ANKRD28: variants seen among roughly 807,000 people sequenced by gnomAD.
ANKRD28 encodes ankyrin repeat domain 28.
A neutral mutation model predicts 126.5 loss-of-function variants in ANKRD28; 44 were observed. The observed-to-expected ratio is 0.35, with a 90% CI of 0.27 to 0.45. The LOEUF is 0.45. ANKRD28 is among the 20% of genes least tolerant of loss of function. ANKRD28 has a pLI of 1.00. For missense variants in ANKRD28, 1,110 were observed against 1,316.6 expected, an observed-to-expected ratio of 0.84 and a Z score of 2.43; for synonymous variants, 442 against 468.5, an observed-to-expected ratio of 0.94 and a Z score of 0.73.
upstream of ANKRD28, among the ~76,000 whole-genome samples, chr3:15,799,039 A>C (rs2060396514): frequency 6.6e-6 from 1 of 152,096 alleles, no homozygotes; most frequent in South Asian, 2.1e-4. Context: ...AAAGTTGTAT[A>C]AATTAATAAA....
chr3:15,814,750 T>C lies in ANKRD28; in HGVS notation c.28-19444A>G, dbSNP rs144404445. Among the ~76,000 whole-genome samples the C allele has an allele frequency of 6.6e-6, 1 of 152,148 alleles. No individual in the cohort carries two copies. The highest frequency in any genetic ancestry group is 2.4e-5 in the African/African-American group (1 of 41,558). On this transcript the variant is annotated intron_variant, in intron 1 of 27. Coordinates refer to the ANKRD28 transcript ENST00000399451. This position sits in a 1 kb window ranked among gnomAD's most constrained non-coding sequence, Gnocchi z 4.7. ...ACGTGTTGATTTAAGAAACTGCCTA[T>C]GAAAAGTTTAAAATATTCAATCTAT...
chr3:15,684,715 T>C (rs982640321), intron 21 of ANKRD28: 12 of 130,180 alleles, frequency 9.2e-5, no homozygotes, highest in African/African-American at 3.5e-4. Flanking sequence ...GTGGGACTCT[T>C]AAAAAAAAAA....
At chr3:15,849,647 C>A (rs980536802) in intron 1 of ANKRD28, among the ~76,000 whole-genome samples, 2 of 152,140 alleles carry the variant, frequency 1.3e-5, no homozygotes, top group Non-Finnish European at 2.9e-5. Flanking sequence ...AATAAATATT[C>A]TTAAGGAAGT....
At chr3:15,786,986 T>G (rs546820771) in intron 2 of ANKRD28, among the ~76,000 whole-genome samples, 4 of 152,254 alleles carry the variant, frequency 2.6e-5, no homozygotes, top group African/African-American at 9.6e-5. Context: ...GTAGAATTTT[T>G]GTTAACTTGA....
intron 1 of ANKRD28, among the ~76,000 whole-genome samples, chr3:15,842,464 G>A (rs71310315): frequency 2.0e-5 from 3 of 151,794 alleles, no homozygotes; most frequent in Non-Finnish European, 2.9e-5. Flanking sequence ...GAGGGGTGGG[G>A]AGGGTTAATG....
chr3:15,694,946 A>G, intron 16 of ANKRD28, 133 bp from the exon 17 acceptor site: 1 of 864,458 alleles, frequency 1.2e-6, no homozygotes, highest in Non-Finnish European at 1.8e-6. Context: ...GATTATTATG[A>G]AAGTATACTA....
chr3:15,738,480 C>G (rs1313700389), intron 4 of ANKRD28: 1 of 152,246 alleles, frequency 6.6e-6, no homozygotes, highest in African/African-American at 2.4e-5. Context: ...TTTGGGCACA[C>G]ATTGTCATTG....
At chr3:15,803,340 C>A (rs1287899341) in intron 1 of ANKRD28, among the ~76,000 whole-genome samples, 1 of 152,012 alleles carries the variant, frequency 6.6e-6, no homozygotes, top group East Asian at 1.9e-4. Flanking sequence ...TTTTAGAGGC[C>A]GTGCACGGTG....
At chr3:15,802,700 A>G (rs1170701607), upstream of ANKRD28, among the ~76,000 whole-genome samples, 1 of 152,216 alleles carries the variant, frequency 6.6e-6, no homozygotes, top group Non-Finnish European at 1.5e-5. Context: ...AAAGAGATGG[A>G]AACAGTTACC....
chr3:15,769,142 A>G (rs2058881562), intron 2 of ANKRD28, among the ~76,000 whole-genome samples: 1 of 152,230 alleles, frequency 6.6e-6, no homozygotes, highest in African/African-American at 2.4e-5. Context: ...ACATAGCACA[A>G]CAACACAGAA....
chr3:15,745,831 C>T (rs2057440524), intron 4 of ANKRD28, among the ~76,000 whole-genome samples: 1 of 152,140 alleles, frequency 6.6e-6, no homozygotes, highest in Non-Finnish European at 1.5e-5. Flanking sequence ...ATTGATTCTA[C>T]CCATCCATGA....
chr3:15,673,995 G>A (rs769023160), intron 27 of ANKRD28, among the ~76,000 whole-genome samples: 2 of 151,542 alleles, frequency 1.3e-5, no homozygotes, highest in Non-Finnish European at 2.9e-5. Flanking sequence ...GGACAATATA[G>A]TGAGAGTCTG....
chr3:15,828,947 C>T (rs1247144224), intron 1 of ANKRD28, among the ~76,000 whole-genome samples: 1 of 152,226 alleles, frequency 6.6e-6, no homozygotes, highest in Non-Finnish European at 1.5e-5. Context: ...TCCAACAAAG[C>T]CCAAGGAATT....
Position 15,694,812 on chromosome 3 carries a change from A to G in ANKRD28, c.1688T>C (p.Leu563Ser). 1.9e-6 allele frequency: 3 copies of G among 1,613,318 alleles called. No individual in the cohort carries two copies. Among genetic ancestry groups the G allele is most frequent in the South Asian group, 2.2e-5 (2 of 91,038 alleles). ...LIASETPLDV[L>S]METSGTDMLS... ...CATGTCTGTTCCTGAGGTTTCCATT[A>G]ACTGAAAAAGAAGAGGCATTTTAAA... Residue 563 changes from leucine (L) to serine (S), a missense_variant and splice_region_variant, in exon 17 of 28, where the codon TTA becomes TCA. Physicochemically the swap from Leu to Ser is moderately radical, Grantham distance 145. Transcript: ENST00000683139.
At chr3:15,686,519 C>A in intron 18 of ANKRD28, 1 of 568,862 alleles carries the variant, frequency 1.8e-6, no homozygotes, top group South Asian at 2.1e-5. Flanking sequence ...TAAAACATGA[C>A]AGGCAGACCG....
intron 3 of ANKRD28, among the ~76,000 whole-genome samples, chr3:15,762,206 A>AC (rs1308133834): frequency 3.7e-4 from 12 of 32,846 alleles, no homozygotes; most frequent in South Asian, 2.5e-3. Context: ...AAAAAAAAAA[A>AC]AAAAAAACAA....
chr3:15,773,208 T>C (rs1446709034), intron 2 of ANKRD28, among the ~76,000 whole-genome samples: 64 of 151,746 alleles, frequency 4.2e-4, no homozygotes, highest in Admixed American at 4.2e-3. Flanking sequence ...AAACCAACTA[T>C]ATTTCTTACT....
At chr3:15,793,022 C>T (rs1205540971) in intron 2 of ANKRD28, among the ~76,000 whole-genome samples, 2 of 152,020 alleles carry the variant, frequency 1.3e-5, no homozygotes, top group Non-Finnish European at 2.9e-5. Flanking sequence ...GAACTTATAT[C>T]CATTCTAAAA....
chr3:15,708,475 A>G (rs889976437), intron 13 of ANKRD28, among the ~76,000 whole-genome samples: 1 of 152,178 alleles, frequency 6.6e-6, no homozygotes, highest in Non-Finnish European at 1.5e-5. Flanking sequence ...AACAAAAGGT[A>G]AGAGAAAAAA....
Sources: gnomAD v4.1 joint callset for allele counts (sites outside exome capture counted in the v4.1 genomes callset) on GRCh38, gnomAD v4.1.1 for gene constraint, Gnocchi (gnomAD v3.1) non-coding constraint, MANE v1.5 for transcripts, NCBI Gene and HGNC (gene_info 2026-07-23, HGNC 2026-07-21) for gene names.